The following PRKAR1B variants were observed in gnomAD, a reference collection of about 807,000 sequenced individuals.
PRKAR1B encodes protein kinase cAMP-dependent type I regulatory subunit beta, also known as cAMP-dependent protein kinase type I-beta regulatory subunit.
PRKAR1B carries 22 observed loss-of-function variants against 46.5 expected under a neutral mutation model. The observed-to-expected ratio is 0.47, with a 90% CI of 0.34 to 0.68. The LOEUF is 0.68. PRKAR1B is among the 30% of genes least tolerant of loss of function. The pLI, the probability that PRKAR1B is intolerant of heterozygous loss-of-function variation, is 0.01. For synonymous variants in PRKAR1B, 259 were observed against 217.7 expected, an observed-to-expected ratio of 1.19 and a Z score of -1.67; for missense variants, 445 against 535.6, an observed-to-expected ratio of 0.83 and a Z score of 1.67.
intron 1 of PRKAR1B, 124 bp downstream of exon 1, chr7:727,086 C>G: frequency 9.5e-7 from 1 of 1,049,108 alleles, no homozygotes; most frequent in Non-Finnish European, 1.1e-6. Flanking sequence ...CCGCGCTCGC[C>G]GCGCGCTTGG....
intron 6 of PRKAR1B, among the ~76,000 whole-genome samples, chr7:599,834 G>T (rs1392222103): frequency 2.7e-5 from 4 of 146,738 alleles, no homozygotes; most frequent in African/African-American, 1.0e-4. Flanking sequence ...AGAAGTCAAT[G>T]GTGGGACAGG....
At chr7:642,192 A>C (rs1319760177) in intron 4 of PRKAR1B, among the ~76,000 whole-genome samples, 1 of 152,078 alleles carries the variant, frequency 6.6e-6, no homozygotes, top group Non-Finnish European at 1.5e-5. Context: ...CACCGCACCC[A>C]CCCGACTCCG....
chr7:604,737 G>A (rs977895042), intron 6 of PRKAR1B, among the ~76,000 whole-genome samples: 12 of 152,186 alleles, frequency 7.9e-5, no homozygotes, highest in Non-Finnish European at 1.5e-4. Context: ...TAGCGTGGCC[G>A]GGACAGAGGC....
At chr7:573,485 G>C (rs559315707) in intron 9 of PRKAR1B, among the ~76,000 whole-genome samples, 36 of 152,104 alleles carry the variant, frequency 2.4e-4, no homozygotes, top group African/African-American at 8.7e-4. Flanking sequence ...CTCCTGCGGA[G>C]GGGCAGCCAG....
At chr7:592,442 G>A (rs563614528) in intron 7 of PRKAR1B, among the ~76,000 whole-genome samples, 35 of 151,498 alleles carry the variant, frequency 2.3e-4, no homozygotes, top group Middle Eastern at 6.9e-3. Flanking sequence ...TGGCTGTGCC[G>A]AGTCACTCCG....
At chr7:586,898 T>G (rs1780634054) in intron 7 of PRKAR1B, among the ~76,000 whole-genome samples, 1 of 150,836 alleles carries the variant, frequency 6.6e-6, no homozygotes, top group Non-Finnish European at 1.5e-5. Flanking sequence ...TTTTTTTTTT[T>G]TTTTTGAGAC....
intron 9 of PRKAR1B, among the ~76,000 whole-genome samples, chr7:578,498 A>G (rs1206819905): frequency 2.0e-5 from 3 of 152,130 alleles, no homozygotes; most frequent in Non-Finnish European, 1.5e-5. Flanking sequence ...TGTTAGAAAT[A>G]ATATAGAGAG....
chr7:650,646 G>A (rs1030732727), intron 4 of PRKAR1B, among the ~76,000 whole-genome samples: 8 of 152,240 alleles, frequency 5.3e-5, no homozygotes, highest in Non-Finnish European at 1.0e-4. Context: ...CGGTGGGTGG[G>A]GGCTCTGCCT....
chr7:601,881 C>G (rs1277481773), intron 6 of PRKAR1B, among the ~76,000 whole-genome samples: 1 of 146,168 alleles, frequency 6.8e-6, no homozygotes, highest in African/African-American at 2.5e-5. Flanking sequence ...TGTGCCTGAC[C>G]CGGGGGGGCT....
chr7:658,074 G>GA lies in PRKAR1B; in HGVS notation c.440+19154dup, dbSNP rs1785305758. Among the ~76,000 whole-genome samples, 3 of 152,086 alleles carry GA rather than the reference G, an allele frequency of 2.0e-5. No homozygotes were observed. The South Asian group carries it at 6.2e-4, about 32-fold the overall frequency. ...CTCCGTGAGCCAGCATATGGACGGC[G>GA]AATGTGCTACCCCAACCTCACCTAT... On this transcript the variant is annotated intron_variant, in intron 4 of 10. Coordinates refer to ENST00000537384, the MANE Select transcript of PRKAR1B (RefSeq NM_001164760.2).
intron 4 of PRKAR1B, among the ~76,000 whole-genome samples, chr7:640,808 AGACAC>A (rs1784350898): frequency 2.9e-5 from 1 of 34,630 alleles, no homozygotes; most frequent in Non-Finnish European, 5.9e-5. Context: ...ACACACACAC[AGACAC>A]AAATGAAATA....
intron 3 of PRKAR1B, among the ~76,000 whole-genome samples, chr7:677,588 G>A (rs1778408365): frequency 6.6e-6 from 1 of 152,122 alleles, no homozygotes; most frequent in Non-Finnish European, 1.5e-5. Flanking sequence ...CACCACACTT[G>A]GCTAACTTTT....
chr7:661,271 TC>T, intron 4 of PRKAR1B, among the ~76,000 whole-genome samples: 1 of 18,804 alleles, frequency 5.3e-5, no homozygotes, highest in Admixed American at 7.0e-4. Flanking sequence ...ATGGCACAGG[TC>T]CCCACCCCAA....
At chr7:561,486 G>A (rs947269677) in intron 9 of PRKAR1B, among the ~76,000 whole-genome samples, 3 of 152,162 alleles carry the variant, frequency 2.0e-5, no homozygotes, top group Non-Finnish European at 4.4e-5. Flanking sequence ...TCCCTCAGGC[G>A]GTGACTCCTC....
At chr7:674,455 T>C (rs1468073882) in intron 4 of PRKAR1B, among the ~76,000 whole-genome samples, 1 of 148,264 alleles carries the variant, frequency 6.7e-6, no homozygotes, top group Non-Finnish European at 1.5e-5. Flanking sequence ...TCCAGCCATG[T>C]CCAGCTACTC....
chr7:596,394 C>T (rs1781267575), intron 6 of PRKAR1B, 90 bp from the exon 7 acceptor site: 2 of 1,467,230 alleles, frequency 1.4e-6, no homozygotes, highest in Admixed American at 2.0e-5. Context: ...TAGCTCTCTC[C>T]AGAAGAGGGT....
At chr7:583,067 A>AG (rs1329483593) in intron 8 of PRKAR1B, among the ~76,000 whole-genome samples, 2 of 151,356 alleles carry the variant, frequency 1.3e-5, no homozygotes, top group East Asian at 2.0e-4. Context: ...CCGGGAGGGC[A>AG]GGGGGGGTGA....
intron 2 of PRKAR1B, among the ~76,000 whole-genome samples, chr7:694,888 T>C (rs1306225714): frequency 1.3e-5 from 2 of 151,722 alleles, no homozygotes; most frequent in Non-Finnish European, 2.9e-5. Context: ...ATACAAAAAT[T>C]AGCCAGGCGT....
intron 9 of PRKAR1B, among the ~76,000 whole-genome samples, chr7:558,864 A>G (rs1255835586): frequency 1.3e-5 from 2 of 152,184 alleles, no homozygotes; most frequent in Non-Finnish European, 2.9e-5. Context: ...CCCGGCCGTG[A>G]GCCTCCAACG....
Sources: gnomAD v4.1 joint callset for allele counts (sites outside exome capture counted in the v4.1 genomes callset) on GRCh38, gnomAD v4.1.1 for gene constraint, MANE v1.5 for transcripts, NCBI Gene and HGNC (gene_info 2026-07-23, HGNC 2026-07-21) for gene names.